The following TMEM132D variants were observed in gnomAD, a reference collection of about 807,000 sequenced individuals.
TMEM132D encodes the protein mature OL transmembrane protein.
A neutral mutation model predicts 62.3 loss-of-function variants in TMEM132D; 21 were observed. That is an observed-to-expected ratio of 0.34 (90% CI 0.24 to 0.49). The LOEUF (loss-of-function observed/expected upper bound fraction) is 0.49, where lower values mean the gene tolerates loss of function less well. TMEM132D is among the 20% of genes least tolerant of loss of function. The probability of loss-of-function intolerance (pLI) is 0.99; values close to 1 mark genes in which losing one functional copy is unlikely to be tolerated. For missense variants in TMEM132D, 1,346 were observed against 1,402.8 expected (o/e 0.96, Z 0.65); for synonymous variants, 621 against 575.6 (o/e 1.08, Z -1.13).
At chr12:129,683,386 T>C (rs1255753287) in intron 2 of TMEM132D, among the ~76,000 whole-genome samples, 1 of 152,212 alleles carries the variant, frequency 6.6e-6, no homozygotes, top group African/African-American at 2.4e-5. Context: ...GTTTTGAGGA[T>C]TAAATGTGCT....
At chr12:129,535,446 G>A (rs1876354984) in intron 2 of TMEM132D, among the ~76,000 whole-genome samples, 2 of 152,122 alleles carry the variant, frequency 1.3e-5, no homozygotes, top group African/African-American at 4.8e-5. Context: ...AACCACCAGG[G>A]GACTCCAAAT....
chr12:129,583,256 A>T (rs1158877027), intron 2 of TMEM132D, among the ~76,000 whole-genome samples: 1 of 152,218 alleles, frequency 6.6e-6, no homozygotes, highest in African/African-American at 2.4e-5. Flanking sequence ...CTCTATGATT[A>T]CCTTAACTTG....
At chr12:129,476,353 C>T (rs754846011) in intron 3 of TMEM132D, among the ~76,000 whole-genome samples, 1 of 152,154 alleles carries the variant, frequency 6.6e-6, no homozygotes, top group Non-Finnish European at 1.5e-5. Flanking sequence ...AGAGCAACTT[C>T]CCAAATTCTA....
intron 4 of TMEM132D, among the ~76,000 whole-genome samples, chr12:129,291,152 T>C (rs767126770): frequency 2.0e-4 from 30 of 152,320 alleles, no homozygotes; most frequent in Middle Eastern, 3.4e-3. Context: ...TCCCCATCAG[T>C]CAATGGGGCA....
At position 129,801,452 on chromosome 12, in the gene TMEM132D, T is replaced by C. The variant is rs947408615; in HGVS notation, c.80-100754A>G. Reference sequence around the variant, plus strand: ...CACTGACACCTCACACGGCAGGGTATTCCAACAGACCTGCAGCTGAGGGTC... The same window carrying C: ...CACTGACACCTCACACGGCAGGGTACTCCAACAGACCTGCAGCTGAGGGTC... On this transcript the variant is annotated intron_variant, in intron 1 of 8. Coordinates refer to ENST00000422113, the MANE Select transcript of TMEM132D (RefSeq NM_133448.3). 2.8e-3 allele frequency among the ~76,000 whole-genome samples: 418 copies of C among 151,642 alleles called. 1 individual carries two copies. The highest frequency in any genetic ancestry group is 7.9e-3 in the African/African-American group (327 of 41,364).
chr12:129,200,686 T>C (rs1401409544), intron 5 of TMEM132D, among the ~76,000 whole-genome samples: 1 of 152,186 alleles, frequency 6.6e-6, no homozygotes, highest in Non-Finnish European at 1.5e-5. Context: ...GGCGCCCAGC[T>C]GGATTGCAGA....
intron 5 of TMEM132D, among the ~76,000 whole-genome samples, chr12:129,087,901 C>T (rs1391230447): frequency 0.017 from 1,782 of 107,800 alleles, 255 homozygotes; most frequent in African/African-American, 0.062. Context: ...GGGTGTCCTC[C>T]CTGACCGGGG....
chr12:129,774,515 G>T (rs999868038), intron 1 of TMEM132D, among the ~76,000 whole-genome samples: 9 of 152,188 alleles, frequency 5.9e-5, no homozygotes, highest in Admixed American at 2.0e-4. Context: ...TTGCAATCAC[G>T]TCGGTTGTGG....
chr12:129,781,278 T>G (rs1871110746), intron 1 of TMEM132D, among the ~76,000 whole-genome samples: 1 of 152,126 alleles, frequency 6.6e-6, no homozygotes, highest in African/African-American at 2.4e-5. Context: ...GATTTCTGAC[T>G]TGTGTTTCAT....
intron 1 of TMEM132D, among the ~76,000 whole-genome samples, chr12:129,712,208 T>A (rs1868393934): frequency 6.6e-6 from 1 of 152,142 alleles, no homozygotes. Context: ...CACTGCAACA[T>A]CTGCCTCCCA....
At chr12:129,485,656 C>T (rs1329216360) in intron 3 of TMEM132D, among the ~76,000 whole-genome samples, 1 of 152,210 alleles carries the variant, frequency 6.6e-6, no homozygotes, top group Non-Finnish European at 1.5e-5. Context: ...ACGCCAGAAG[C>T]CATCAATGCA....
At position 129,867,536 on chromosome 12, in the gene TMEM132D, GA is replaced by G. The variant is rs1399898710; in HGVS notation, c.79+35724del. On this transcript the variant is annotated intron_variant, in intron 1 of 8. Transcript: ENST00000422113. The surrounding 1 kb of genome is among the most constrained non-coding windows in gnomAD (Gnocchi z 4.5). ...CTAGAGTTCGAATGAACCGCAGAAG[GA>G]CTAAAATTAATAATTCTGTATAGTG... is the stretch of plus-strand genomic sequence containing the variant. Among the ~76,000 whole-genome samples, 1 of 152,096 alleles carries G rather than the reference GA, an allele frequency of 6.6e-6. No individual in the cohort carries two copies. Among genetic ancestry groups the G allele is most frequent in the Non-Finnish European group, 1.5e-5 (1 of 68,010 alleles).
intron 5 of TMEM132D, among the ~76,000 whole-genome samples, chr12:129,119,671 G>T (rs190690891): frequency 1.3e-5 from 2 of 152,278 alleles, no homozygotes; most frequent in African/African-American, 2.4e-5. Flanking sequence ...ACTACACAGG[G>T]TTAGTGTAGT....
chr12:129,608,207 T>G (rs1443323923), intron 2 of TMEM132D, among the ~76,000 whole-genome samples: 1 of 152,188 alleles, frequency 6.6e-6, no homozygotes, highest in Admixed American at 6.5e-5. Flanking sequence ...TTTACTCACT[T>G]GAAGTGCACT....
chr12:129,584,915 G>T (rs1438467768), intron 2 of TMEM132D, among the ~76,000 whole-genome samples: 1 of 152,200 alleles, frequency 6.6e-6, no homozygotes, highest in South Asian at 2.1e-4. Context: ...TGGGGACAGA[G>T]CCAGCATGGG....
At chr12:129,340,929 C>T (rs1384986827) in intron 3 of TMEM132D, among the ~76,000 whole-genome samples, 2 of 152,142 alleles carry the variant, frequency 1.3e-5, no homozygotes, top group African/African-American at 2.4e-5. Context: ...GGAAAGATTC[C>T]TTAGCTTGCA....
rs113975306 is a variant in TMEM132D at position 129,627,241 on chromosome 12, C to T, written c.968+72569G>A. On this transcript the variant is annotated intron_variant, in intron 2 of 8. Coordinates refer to ENST00000422113, the MANE Select transcript of TMEM132D (RefSeq NM_133448.3). ...CACAGACCGCCTATATGATGGTGCT[C>T]ACATACGAATCATGTAAGAATATAA... Among the ~76,000 whole-genome samples the T allele has an allele frequency of 9.0e-3, 1,371 of 152,290 alleles. 11 individuals carry two copies. Among genetic ancestry groups the T allele is most frequent in the Non-Finnish European group, 0.016 (1,086 of 68,024 alleles).
intron 5 of TMEM132D, among the ~76,000 whole-genome samples, chr12:129,092,908 G>A (rs1390049675): frequency 1.3e-5 from 2 of 152,138 alleles, no homozygotes; most frequent in African/African-American, 2.4e-5. Flanking sequence ...CTGCCACACT[G>A]GGCTAATCAG....
chr12:129,830,221 A>T (rs1276820377), intron 1 of TMEM132D, among the ~76,000 whole-genome samples: 1 of 152,190 alleles, frequency 6.6e-6, no homozygotes, highest in African/African-American at 2.4e-5. Context: ...ATACACACAC[A>T]TATCCATCAA....
Sources: gnomAD v4.1 joint callset for allele counts (sites outside exome capture counted in the v4.1 genomes callset) on GRCh38, gnomAD v4.1.1 for gene constraint, Gnocchi (gnomAD v3.1) non-coding constraint, MANE v1.5 for transcripts, NCBI Gene and HGNC (gene_info 2026-07-23, HGNC 2026-07-21) for gene names.